CPT1A: variants seen among roughly 807,000 people sequenced by gnomAD.
CPT1A encodes the protein carnitine O-palmitoyltransferase 1, liver isoform.
CPT1A carries 64 observed loss-of-function variants against 100.8 expected under a neutral mutation model. That is an observed-to-expected ratio of 0.63 (90% confidence interval 0.52 to 0.78). The LOEUF (loss-of-function observed/expected upper bound fraction) is 0.78, where lower values mean the gene tolerates loss of function less well. CPT1A is among the 30% of genes least tolerant of loss of function. CPT1A has a pLI of 0.00. For missense variants in CPT1A, 802 were observed against 1,034.1 expected (o/e 0.78, Z 3.08); for synonymous variants, 363 against 396.0 (o/e 0.92, Z 0.99).
In CPT1A at chr11:68,762,765, G is replaced by A. The variant is rs1249777003; in HGVS notation, c.1741-4C>T. 1.2e-6 allele frequency: 2 copies of A among 1,614,066 alleles called. No individual in the cohort carries two copies. Among genetic ancestry groups the A allele is most frequent in the Non-Finnish European group, 1.7e-6 (2 of 1,180,054 alleles). ...TGAGGCAAAACTTGCCCATGTCCTG[G>A]GGAAAGAGAAGTACTTCAGTGCACG... On this transcript the variant is annotated splice_polypyrimidine_tract_variant and splice_region_variant and intron_variant, in intron 14 of 18. Transcript: ENST00000265641.
At position 68,840,704 on chromosome 11, in the gene CPT1A, CA is replaced by C. The variant is rs544012051; in HGVS notation, c.-14+1070del. ...TGAGTTCTGCGGCTTTAACGAAAGC[CA>C]AGGGCGGATTTACATTATAAAGACG... On this transcript the variant is annotated intron_variant, in intron 1 of 18. Coordinates refer to ENST00000265641, the MANE Select transcript of CPT1A (RefSeq NM_001876.4). 2.8e-3 allele frequency among the ~76,000 whole-genome samples: 433 copies of C among 152,342 alleles called. 1 individual carries two copies. Among genetic ancestry groups the C allele is most frequent in the Admixed American group, 5.7e-3 (87 of 15,312 alleles).
At chr11:68,817,819 G>T (rs1329473467) in intron 1 of CPT1A, among the ~76,000 whole-genome samples, 1 of 151,186 alleles carries the variant, frequency 6.6e-6, no homozygotes, top group African/African-American at 2.4e-5. Context: ...AGGGTGTCGG[G>T]TCAAAAGCAG....
intron 1 of CPT1A, among the ~76,000 whole-genome samples, chr11:68,832,551 G>A (rs1203183796): frequency 6.6e-6 from 1 of 152,192 alleles, no homozygotes; most frequent in Non-Finnish European, 1.5e-5. Flanking sequence ...TACACAAAAA[G>A]TTCTACTTAG....
intron 1 of CPT1A, among the ~76,000 whole-genome samples, chr11:68,831,470 A>G (rs754796001): frequency 6.6e-5 from 10 of 152,224 alleles, no homozygotes; most frequent in Non-Finnish European, 2.9e-5. Flanking sequence ...AATGGTCTTT[A>G]TAGCAACTGA....
intron 15 of CPT1A, among the ~76,000 whole-genome samples, 189 bp downstream of exon 15, chr11:68,762,438 A>G (rs904662992): frequency 3.3e-5 from 5 of 152,154 alleles, no homozygotes; most frequent in African/African-American, 1.2e-4. Context: ...CCTTGTCCCT[A>G]CCTTTACCTT....
At chr11:68,799,898 A>C (rs1855858169) in intron 5 of CPT1A, among the ~76,000 whole-genome samples, 1 of 152,212 alleles carries the variant, frequency 6.6e-6, no homozygotes, top group East Asian at 1.9e-4. Flanking sequence ...TATTAGCTTT[A>C]AAAGTGTCCC....
chr11:68,794,091 C>T (rs1855691151), intron 8 of CPT1A, among the ~76,000 whole-genome samples: 1 of 152,130 alleles, frequency 6.6e-6, no homozygotes, highest in South Asian at 2.1e-4. Context: ...AATTAAAGTA[C>T]AACAGATGTA....
chr11:68,762,755 C>T lies in CPT1A; in HGVS notation c.1747G>A (p.Gly583Ser). ...GCCTCGTATGTGAGGCAAAACTTGC[C>T]CATGTCCTGGGGAAAGAGAAGTACT... is the stretch of plus-strand genomic sequence containing the variant. ...ALQLAHYKDM[G>S]KFCLTYEASM... Residue 583 changes from glycine to serine, a missense_variant, in exon 15 of 19, where the codon GGC becomes AGC. By Grantham distance (56) the Gly-to-Ser change is moderately conservative. Coordinates refer to ENST00000265641, the MANE Select transcript of CPT1A (RefSeq NM_001876.4). The T allele has an allele frequency of 6.2e-7, 1 of 1,614,078 alleles. No homozygotes were observed. The highest frequency in any genetic ancestry group is 8.5e-7 in the Non-Finnish European group (1 of 1,180,032).
chr11:68,819,501 C>A (rs978131883), intron 1 of CPT1A, among the ~76,000 whole-genome samples: 1 of 152,166 alleles, frequency 6.6e-6, no homozygotes, highest in Non-Finnish European at 1.5e-5. Context: ...GACTGGCTAC[C>A]TCTGCACGAT....
chr11:68,823,182 C>G (rs1211410982), intron 1 of CPT1A, among the ~76,000 whole-genome samples: 4 of 151,556 alleles, frequency 2.6e-5, no homozygotes, highest in Non-Finnish European at 5.9e-5. Context: ...CCTGGAAGTT[C>G]GAAGCTGCAG....
chr11:68,828,779 A>G (rs1395643287), intron 1 of CPT1A, among the ~76,000 whole-genome samples: 1 of 151,986 alleles, frequency 6.6e-6, no homozygotes, highest in Non-Finnish European at 1.5e-5. Flanking sequence ...GCTCTGCCAC[A>G]TCCCACTCAC....
chr11:68,832,526 T>TAA lies in CPT1A; in HGVS notation c.-14+9247_-14+9248dup, dbSNP rs145542318. Among the ~76,000 whole-genome samples, 1,228 of 152,248 alleles carry TAA rather than the reference T, an allele frequency of 8.1e-3. 16 individuals carry two copies. Among genetic ancestry groups the TAA allele is most frequent in the African/African-American group, 0.028 (1,165 of 41,528 alleles). On this transcript the variant is annotated intron_variant, in intron 1 of 18. Coordinates refer to ENST00000265641, the MANE Select transcript of CPT1A (RefSeq NM_001876.4). ...AAACTTATACTCTTAACTCCCAAAGTAAAGTGGTAGGTACTACACAAAAAG... is the reference window on the plus strand; with the variant it reads ...AAACTTATACTCTTAACTCCCAAAGTAAAAAGTGGTAGGTACTACACAAAAAG...
At position 68,803,884 on chromosome 11, in the gene CPT1A, C is replaced by T. The variant is rs1207747161; in HGVS notation, c.555+116G>A. The stretch of plus-strand genomic sequence containing the variant: ...GAGTTCCTATGAGAACCCTACCAGG[C>T]ACACCGCTGAAGGCTACTTGAGCCA... On this transcript the variant is annotated intron_variant, in intron 5 of 18. Coordinates refer to ENST00000265641, the MANE Select transcript of CPT1A (RefSeq NM_001876.4). 13 of 788,622 alleles carry T rather than the reference C, an allele frequency of 1.6e-5. No individual in the cohort carries two copies. In the East Asian group the frequency reaches 2.7e-4, roughly 17 times the overall value. The allele number at this position is 788,622 out of a possible 1,614,324, so 48.9% of individuals were successfully genotyped here.
chr11:68,842,051 G>C (rs1477890351), upstream of CPT1A: 2 of 808,636 alleles, frequency 2.5e-6, no homozygotes, highest in East Asian at 1.2e-4. Flanking sequence ...GCGGGTGCTC[G>C]CGTCCTCGAC....
At chr11:68,797,277 A>G (rs1342184728) in intron 6 of CPT1A, among the ~76,000 whole-genome samples, 2 of 152,206 alleles carry the variant, frequency 1.3e-5, no homozygotes, top group East Asian at 3.8e-4. Flanking sequence ...CTAGCCCTAC[A>G]TTAAAAATAA....
At chr11:68,789,409 T>A (rs978369969) in intron 9 of CPT1A, among the ~76,000 whole-genome samples, 1 of 152,100 alleles carries the variant, frequency 6.6e-6, no homozygotes, top group African/African-American at 2.4e-5. Context: ...TCTTTATTTT[T>A]TTTTTTTGAC....
At chr11:68,813,047 T>C (rs1299114164) in intron 2 of CPT1A, among the ~76,000 whole-genome samples, 1 of 146,700 alleles carries the variant, frequency 6.8e-6, no homozygotes, top group Non-Finnish European at 1.5e-5. Context: ...TGCTGTAAAA[T>C]ACTCCAGCCA....
At chr11:68,780,586 G>A in intron 12 of CPT1A, 54 bp downstream of exon 12, 2 of 1,521,440 alleles carry the variant, frequency 1.3e-6, no homozygotes, top group South Asian at 1.1e-5. Context: ...GCCTGGCCAG[G>A]TTTGGATTTT....
intron 9 of CPT1A, chr11:68,785,996 C>T (rs1420955374): frequency 1.4e-6 from 1 of 702,166 alleles, no homozygotes; most frequent in Non-Finnish European, 2.6e-6. Context: ...AAGCACTGCT[C>T]AGTGGGGATG....
Sources: gnomAD v4.1 joint callset for allele counts (sites outside exome capture counted in the v4.1 genomes callset) on GRCh38, gnomAD v4.1.1 for gene constraint, MANE v1.5 for transcripts, NCBI Gene and HGNC (gene_info 2026-07-23, HGNC 2026-07-21) for gene names.